LRRC4C: variants seen among roughly 807,000 people sequenced by gnomAD.
LRRC4C encodes the protein leucine rich repeat containing 4C.
In LRRC4C, 5 loss-of-function variants were observed where a neutral mutation model predicts 33.6. That is an observed-to-expected ratio of 0.15 (90% CI 0.08 to 0.31). LRRC4C has a LOEUF of 0.31. Among genes scored for constraint, LRRC4C ranks in the 10% least tolerant of loss-of-function variants. The pLI is 1.00. For missense variants in LRRC4C, 560 were observed against 796.7 expected (o/e 0.70, Z 3.58); for synonymous variants, 329 against 302.0 (o/e 1.09, Z -0.93).
At chr11:40,681,810 T>A (rs191731861) in intron 2 of LRRC4C, among the ~76,000 whole-genome samples, 1 of 152,228 alleles carries the variant, frequency 6.6e-6, no homozygotes, top group Admixed American at 6.5e-5. Context: ...CTGGATGAGA[T>A]TAGAGACTAT....
chr11:40,544,289 A>G (rs1220089195), intron 3 of LRRC4C, among the ~76,000 whole-genome samples: 1 of 152,066 alleles, frequency 6.6e-6, no homozygotes, highest in Non-Finnish European at 1.5e-5. Context: ...AGATGAGAGT[A>G]GATACTGGTT....
rs533364845 is a variant in LRRC4C, at chr11:40,172,568, TCA to T, written c.-95-31717_-95-31716del. On this transcript the variant is annotated intron_variant, in intron 5 of 6. Transcript: ENST00000528697. ...TACCCTCCCATTCTTCCCATGCTCC[TCA>T]GTTTGTTTCTGTTTCATGGCATTTG... 7.2e-5 allele frequency among the ~76,000 whole-genome samples: 11 copies of T among 151,954 alleles called. 1 individual carries two copies. The East Asian group carries it at 1.5e-3, about 21-fold the overall frequency.
In LRRC4C at chr11:40,971,337, C is replaced by T. The variant is rs1005841063; in HGVS notation, c.-495-37614G>A. 3.5e-4 allele frequency among the ~76,000 whole-genome samples: 54 copies of T among 152,228 alleles called. 1 individual carries two copies. The highest frequency in any genetic ancestry group is 2.4e-3 in the Admixed American group (36 of 15,284). Reference sequence around the variant, plus strand: ...CCCTGCATTCTAGCCACTCCAGCTCCAGCCATGGGTCAAAGGAGCCCAGAT... The same window carrying T: ...CCCTGCATTCTAGCCACTCCAGCTCTAGCCATGGGTCAAAGGAGCCCAGAT... On this transcript the variant is annotated intron_variant, in intron 1 of 6. Coordinates refer to ENST00000528697, the MANE Select transcript of LRRC4C (RefSeq NM_001258419.2).
intron 5 of LRRC4C, among the ~76,000 whole-genome samples, chr11:40,225,146 A>C (rs1327516254): frequency 6.6e-6 from 1 of 152,190 alleles, no homozygotes; most frequent in East Asian, 1.9e-4. Context: ...CAATAGCCTA[A>C]ATTGAATATT....
At chr11:40,810,907 A>G (rs1049420937) in intron 2 of LRRC4C, among the ~76,000 whole-genome samples, 2 of 152,120 alleles carry the variant, frequency 1.3e-5, no homozygotes, top group African/African-American at 4.8e-5. Flanking sequence ...TATATCCAAT[A>G]CTAACATTTT....
At position 40,201,828 on chromosome 11, in the gene LRRC4C, G is replaced by C. The variant is rs566409684; in HGVS notation, c.-96+39691C>G. On this transcript the variant is annotated intron_variant, in intron 5 of 6. Coordinates refer to ENST00000528697, the MANE Select transcript of LRRC4C (RefSeq NM_001258419.2). ...TAGGCTGGAATACCCAAGAGGAAAC[G>C]TGGGGTAGAAAATGAAGGAAGAAGT... 7.9e-5 allele frequency among the ~76,000 whole-genome samples: 12 copies of C among 152,276 alleles called. No homozygotes were observed. In the South Asian group the frequency reaches 2.5e-3, roughly 32 times the overall value.
intron 1 of LRRC4C, among the ~76,000 whole-genome samples, chr11:41,164,834 GACT>G (rs1432518277): frequency 6.6e-6 from 1 of 152,102 alleles, no homozygotes; most frequent in Non-Finnish European, 1.5e-5. Flanking sequence ...AAGGGTAGAA[GACT>G]ACTCTGAAAC....
At chr11:41,116,210 A>G (rs1011377638) in intron 1 of LRRC4C, among the ~76,000 whole-genome samples, 4 of 152,122 alleles carry the variant, frequency 2.6e-5, no homozygotes, top group Admixed American at 2.6e-4. Context: ...AAGAAACATA[A>G]TCCAAGTCCC....
intron 4 of LRRC4C, among the ~76,000 whole-genome samples, chr11:40,256,235 G>T (rs887103703): frequency 6.6e-6 from 1 of 152,128 alleles, no homozygotes; most frequent in East Asian, 1.9e-4. Context: ...AAAGATCCTA[G>T]CTTGGGAATA....
intron 3 of LRRC4C, among the ~76,000 whole-genome samples, chr11:40,423,233 A>T (rs944613962): frequency 1.3e-5 from 2 of 151,778 alleles, no homozygotes; most frequent in East Asian, 1.9e-4. Flanking sequence ...AATGTGCATC[A>T]TGTCTGTAGT....
chr11:41,387,070 T>C (rs1400193242), intron 1 of LRRC4C, among the ~76,000 whole-genome samples: 1 of 151,802 alleles, frequency 6.6e-6, no homozygotes, highest in Non-Finnish European at 1.5e-5. Flanking sequence ...ATTGTTTTGC[T>C]TCAAGTGTAT....
At chr11:41,375,140 T>C (rs1952891120) in intron 1 of LRRC4C, among the ~76,000 whole-genome samples, 1 of 152,016 alleles carries the variant, frequency 6.6e-6, no homozygotes, top group South Asian at 2.1e-4. Flanking sequence ...AATAAATAAA[T>C]AGACTATTAC....
chr11:40,582,626 C>A (rs1958521634), intron 3 of LRRC4C, among the ~76,000 whole-genome samples: 1 of 150,946 alleles, frequency 6.6e-6, no homozygotes, highest in African/African-American at 2.4e-5. Context: ...AAGTGATTCT[C>A]CTGCCTCAGC....
chr11:40,242,901 C>T (rs973925897), intron 4 of LRRC4C, among the ~76,000 whole-genome samples: 4 of 151,902 alleles, frequency 2.6e-5, no homozygotes, highest in Non-Finnish European at 4.4e-5. Context: ...TCGGCATGCT[C>T]TTAACTAAAA....
chr11:40,693,365 A>G (rs968962869), intron 2 of LRRC4C, among the ~76,000 whole-genome samples: 1 of 152,172 alleles, frequency 6.6e-6, no homozygotes, highest in Non-Finnish European at 1.5e-5. Context: ...CAATTTGGCA[A>G]TAACAGACAT....
At chr11:41,161,838 C>T (rs1040602614) in intron 1 of LRRC4C, among the ~76,000 whole-genome samples, 7 of 152,088 alleles carry the variant, frequency 4.6e-5, no homozygotes, top group African/African-American at 1.7e-4. Context: ...TCACTCAACC[C>T]AACAGGACTA....
chr11:40,622,101 C>A (rs369559617), intron 3 of LRRC4C, among the ~76,000 whole-genome samples: 4 of 151,840 alleles, frequency 2.6e-5, no homozygotes, highest in African/African-American at 9.7e-5. Context: ...GATTTCCAAA[C>A]AAGTGGTCTT....
intron 1 of LRRC4C, among the ~76,000 whole-genome samples, chr11:41,221,014 G>A (rs948004216): frequency 6.6e-6 from 1 of 151,994 alleles, no homozygotes; most frequent in Non-Finnish European, 1.5e-5. Context: ...TAAGTTCGGG[G>A]GTACAAATGT....
At chr11:41,185,681 ACTTGTATTTGCTATC>A (rs1266824818) in intron 1 of LRRC4C, among the ~76,000 whole-genome samples, 2 of 152,150 alleles carry the variant, frequency 1.3e-5, no homozygotes, top group Middle Eastern at 3.2e-3. Flanking sequence ...TACTTACAAA[ACTTGTATTTGCTATC>A]CTTATATCCT....
Sources: gnomAD v4.1 joint callset for allele counts (sites outside exome capture counted in the v4.1 genomes callset) on GRCh38, gnomAD v4.1.1 for gene constraint, MANE v1.5 for transcripts, NCBI Gene and HGNC (gene_info 2026-07-23, HGNC 2026-07-21) for gene names.